The following FERMT2 variants were observed in gnomAD, a reference collection of about 807,000 sequenced individuals.
FERMT2 encodes FERM domain containing kindlin 2.
Under a neutral mutation model 82.7 loss-of-function variants are expected in FERMT2, and 15 were observed. The ratio of observed to expected loss-of-function variants is 0.18; its 90% CI spans 0.12 to 0.28. The LOEUF is 0.28. Among genes scored for constraint, FERMT2 ranks in the 10% least tolerant of loss-of-function variants. The pLI, the probability that FERMT2 is intolerant of heterozygous loss-of-function variation, is 1.00. For missense variants in FERMT2, 645 were observed against 809.4 expected (o/e 0.80, Z 2.46); for synonymous variants, 274 against 271.5 (o/e 1.01, Z -0.09).
At chr14:52,897,129 C>CA (rs1261373706) in intron 3 of FERMT2, among the ~76,000 whole-genome samples, 1 of 151,470 alleles carries the variant, frequency 6.6e-6, no homozygotes, top group Non-Finnish European at 1.5e-5. Context: ...CTTTCAGTAC[C>CA]ATAAGACAGG....
intron 10 of FERMT2, among the ~76,000 whole-genome samples, chr14:52,870,487 G>A (rs1566720397): frequency 6.6e-6 from 1 of 152,084 alleles, no homozygotes; most frequent in African/African-American, 2.4e-5. Flanking sequence ...GACCTCAGAT[G>A]ATCCGCCGCC....
At chr14:52,861,344 T>C (rs1407152501) in intron 12 of FERMT2, 2 of 332,602 alleles carry the variant, frequency 6.0e-6, no homozygotes, top group Non-Finnish European at 1.1e-5. Context: ...AAAGAGCAAA[T>C]ATTTCTTTCC....
At chr14:52,882,263 A>C (rs1394723599) in intron 4 of FERMT2, among the ~76,000 whole-genome samples, 1 of 152,204 alleles carries the variant, frequency 6.6e-6, no homozygotes, top group African/African-American at 2.4e-5. Context: ...CAAATAAAGT[A>C]TTAATGTAAA....
In FERMT2 at chr14:52,863,896, TA is replaced by T. The variant is rs533217079; in HGVS notation, c.1602+504del. 5.4e-4 allele frequency among the ~76,000 whole-genome samples: 82 copies of T among 152,310 alleles called. 1 individual carries two copies. The South Asian group carries it at 0.012, about 23-fold the overall frequency. ...AGCATTGAGACCATATTCAATTCCC[TA>T]AAATGTCTGAAAGAACACCATGTTA... On this transcript the variant is annotated intron_variant, in intron 12 of 14. Coordinates refer to ENST00000341590, the MANE Select transcript of FERMT2 (RefSeq NM_006832.3).
intron 2 of FERMT2, among the ~76,000 whole-genome samples, chr14:52,922,657 A>T (rs1055987177): frequency 2.0e-5 from 3 of 152,216 alleles, no homozygotes; most frequent in Non-Finnish European, 4.4e-5. Flanking sequence ...TAAAGAGGTA[A>T]TGTGCCACCA....
intron 3 of FERMT2, among the ~76,000 whole-genome samples, chr14:52,897,831 C>A (rs1004415441): frequency 6.6e-6 from 1 of 152,018 alleles, no homozygotes; most frequent in African/African-American, 2.4e-5. Context: ...ACAAAATTAG[C>A]TGGGCATGGT....
chr14:52,881,729 G>T, intron 4 of FERMT2: 1 of 1,318,576 alleles, frequency 7.6e-7, no homozygotes, highest in Middle Eastern at 2.0e-4. Context: ...AAGAGAATTA[G>T]AAAATAAGGA....
chr14:52,863,142 G>A (rs1311963341), intron 12 of FERMT2: 1 of 152,080 alleles, frequency 6.6e-6, no homozygotes, highest in East Asian at 1.9e-4. Flanking sequence ...GTTCCCCAGG[G>A]CAGCATTTCC....
At chr14:52,905,822 T>C (rs1478336290) in intron 3 of FERMT2, among the ~76,000 whole-genome samples, 1 of 152,132 alleles carries the variant, frequency 6.6e-6, no homozygotes, top group South Asian at 2.1e-4. Flanking sequence ...GTTTAAAATT[T>C]TGGTTAAAGA....
rs1373392189 is a variant in FERMT2, at chr14:52,912,692, T to C, written c.391+6431A>G. Among the ~76,000 whole-genome samples the C allele has an allele frequency of 3.3e-5, 5 of 151,820 alleles. No homozygotes were observed. In the East Asian group the frequency reaches 7.7e-4, roughly 23 times the overall value. On this transcript the variant is annotated intron_variant, in intron 3 of 14. Coordinates refer to ENST00000341590, the MANE Select transcript of FERMT2 (RefSeq NM_006832.3). ...GCCCGGCTACTTTTTGTATTTTTAGTAGAGACAGTGTTTCACCATGTTGGC... is the reference window on the plus strand; with the variant it reads ...GCCCGGCTACTTTTTGTATTTTTAGCAGAGACAGTGTTTCACCATGTTGGC...
chr14:52,944,759 G>A (rs1890250557), intron 2 of FERMT2, among the ~76,000 whole-genome samples: 1 of 152,136 alleles, frequency 6.6e-6, no homozygotes, highest in African/African-American at 2.4e-5. Flanking sequence ...CATGTGCTAA[G>A]TTCACAATCT....
chr14:52,941,206 T>G (rs1890075011), intron 2 of FERMT2, among the ~76,000 whole-genome samples: 1 of 152,122 alleles, frequency 6.6e-6, no homozygotes, highest in Non-Finnish European at 1.5e-5. Flanking sequence ...GAAACCAGAT[T>G]CAAAGAGCTA....
chr14:52,860,010 G>C (rs1884819441), intron 13 of FERMT2: 2 of 266,552 alleles, frequency 7.5e-6, no homozygotes, highest in Non-Finnish European at 1.4e-5. Context: ...GTAGAGACAG[G>C]GTTTCACCGT....
intron 3 of FERMT2, among the ~76,000 whole-genome samples, chr14:52,908,381 G>A (rs1374617980): frequency 6.6e-6 from 1 of 152,150 alleles, no homozygotes; most frequent in African/African-American, 2.4e-5. Context: ...TAAGTGAATG[G>A]TCATAGAAGC....
intron 2 of FERMT2, among the ~76,000 whole-genome samples, chr14:52,925,653 G>C (rs1018615487): frequency 2.0e-5 from 3 of 149,524 alleles, no homozygotes; most frequent in Non-Finnish European, 3.0e-5. Context: ...CTCTTTTTTC[G>C]TTTGAGATGG....
At chr14:52,942,987 CG>C (rs1890165155) in intron 2 of FERMT2, among the ~76,000 whole-genome samples, 1 of 151,858 alleles carries the variant, frequency 6.6e-6, no homozygotes, top group South Asian at 2.1e-4. Context: ...CCGAGGTGGG[CG>C]GATCGCCTAA....
intron 2 of FERMT2, among the ~76,000 whole-genome samples, chr14:52,923,736 C>T (rs1002662742): frequency 5.3e-5 from 8 of 151,718 alleles, no homozygotes; most frequent in East Asian, 1.9e-4. Flanking sequence ...TGACTGGCAA[C>T]GCTGGTAAAA....
Position 52,857,733 on chromosome 14 carries a change from G to GTGAT in FERMT2, c.*640_*643dup, listed in dbSNP as rs373197091. 8 of 152,734 alleles carry GTGAT rather than the reference G, an allele frequency of 5.2e-5. No individual in the cohort carries two copies. The highest frequency in any genetic ancestry group is 1.9e-4 in the African/African-American group (8 of 41,558). The allele number at this position is 152,734 out of a possible 1,614,324, so 9.5% of individuals were successfully genotyped here. The stretch of plus-strand genomic sequence containing the variant: ...AAGAGTTGCATATTTTAGGCAGACA[G>GTGAT]TGATTATGCTGGTGAATACTAAAAG... On this transcript the variant is annotated 3_prime_UTR_variant, in exon 15 of 15. Coordinates refer to ENST00000341590, the MANE Select transcript of FERMT2 (RefSeq NM_006832.3).
rs1555368979 is a variant in FERMT2 at position 52,892,159 on chromosome 14, G to GTT, written c.526+1132_526+1133dup. Among the ~76,000 whole-genome samples the GTT allele has an allele frequency of 1.4e-3, 110 of 78,786 alleles. 2 individuals carry two copies. Among genetic ancestry groups the GTT allele is most frequent in the African/African-American group, 4.1e-3 (104 of 25,528 alleles). 51.7% of individuals were successfully genotyped at this position (78,786 alleles called of 152,430 possible). On this transcript the variant is annotated intron_variant, in intron 4 of 14. Transcript: ENST00000341590. Reference sequence around the variant, plus strand: ...GAATATGCAAAGCAGAGAGAAGGCTGTTTTTTGTTTTTTTTTTTTTTTTTT... The same window carrying GTT: ...GAATATGCAAAGCAGAGAGAAGGCTGTTTTTTTTGTTTTTTTTTTTTTTTTTT...
Sources: gnomAD v4.1 joint callset for allele counts (sites outside exome capture counted in the v4.1 genomes callset) on GRCh38, gnomAD v4.1.1 for gene constraint, MANE v1.5 for transcripts, NCBI Gene and HGNC (gene_info 2026-07-23, HGNC 2026-07-21) for gene names.